The following ROBO2 variants were observed in gnomAD, a reference collection of about 807,000 sequenced individuals.
The protein encoded by ROBO2 is roundabout homolog 2.
A neutral mutation model predicts 160.8 loss-of-function variants in ROBO2; 53 were observed. That is an observed-to-expected ratio of 0.33 (90% CI 0.26 to 0.41). The LOEUF is 0.41. Among genes scored for constraint, ROBO2 ranks in the 10% least tolerant of loss-of-function variants. ROBO2 has a pLI of 1.00. For synonymous variants in ROBO2, 664 were observed against 611.7 expected (o/e 1.09, Z -1.26); for missense variants, 1,577 against 1,722.4 (o/e 0.92, Z 1.49).
intron 2 of ROBO2, among the ~76,000 whole-genome samples, chr3:76,477,112 A>C (rs1185025877): frequency 6.6e-6 from 1 of 152,122 alleles, no homozygotes; most frequent in Non-Finnish European, 1.5e-5. Context: ...AAAATAAACC[A>C]CAGGAATCAT....
intron 2 of ROBO2, among the ~76,000 whole-genome samples, chr3:77,009,693 C>T (rs1407644951): frequency 6.6e-6 from 1 of 152,050 alleles, no homozygotes; most frequent in African/African-American, 2.4e-5. Context: ...CACAGTGGCT[C>T]ATGCCCATAA....
chr3:77,173,104 T>G (rs2079796226), intron 2 of ROBO2, among the ~76,000 whole-genome samples: 1 of 152,160 alleles, frequency 6.6e-6, no homozygotes, highest in Non-Finnish European at 1.5e-5. Context: ...AGCCATAATT[T>G]AGAAAGCATT....
At chr3:76,561,690 C>T (rs188297335) in intron 2 of ROBO2, among the ~76,000 whole-genome samples, 3 of 152,250 alleles carry the variant, frequency 2.0e-5, no homozygotes, top group East Asian at 3.9e-4. Context: ...TGGGATAAGA[C>T]AAACATTCAG....
chr3:77,036,853 G>A (rs2063666176), upstream of ROBO2, among the ~76,000 whole-genome samples: 1 of 151,592 alleles, frequency 6.6e-6, no homozygotes, highest in East Asian at 1.9e-4. Context: ...TTGGCTTAAG[G>A]AAAACCTTAA....
intron 2 of ROBO2, among the ~76,000 whole-genome samples, chr3:76,867,141 C>A (rs2071468257): frequency 1.3e-5 from 2 of 152,102 alleles, no homozygotes; most frequent in Admixed American, 1.3e-4. Context: ...TTAACACTAG[C>A]CTAGATTACT....
At chr3:76,319,175 A>C (rs946013663) in intron 2 of ROBO2, among the ~76,000 whole-genome samples, 1 of 152,142 alleles carries the variant, frequency 6.6e-6, no homozygotes, top group African/African-American at 2.4e-5. Flanking sequence ...CCTTTGTCCA[A>C]AAGTAGAATT....
chr3:76,117,437 G>GT (rs2070521046), intron 2 of ROBO2, among the ~76,000 whole-genome samples: 2 of 152,056 alleles, frequency 1.3e-5, no homozygotes, highest in South Asian at 4.1e-4. Context: ...ATTGTTTATA[G>GT]TTACTGTTTC....
At chr3:75,944,776 T>G (rs1948206768) in intron 2 of ROBO2, among the ~76,000 whole-genome samples, 2 of 152,214 alleles carry the variant, frequency 1.3e-5, no homozygotes, top group Non-Finnish European at 2.9e-5. Context: ...TCATAATAAT[T>G]GGGATGCAAT....
In ROBO2 at chr3:76,780,941, C is replaced by T. The variant is rs147954047; in HGVS notation, c.110-317073C>T. On this transcript the variant is annotated intron_variant, in intron 2 of 26. Transcript: ENST00000487694. Reference sequence around the variant, plus strand: ...GAATTATAGGATGGTTTTTATATTTCTGAGAAAAAAATGCTATTGTAATTT... The same window carrying T: ...GAATTATAGGATGGTTTTTATATTTTTGAGAAAAAAATGCTATTGTAATTT... Among the ~76,000 whole-genome samples, 501 of 150,036 alleles carry T rather than the reference C, an allele frequency of 3.3e-3. 3 individuals are homozygous for T. The highest frequency in any genetic ancestry group is 0.011 in the African/African-American group (441 of 41,134).
At chr3:76,910,780 A>G (rs1291060426) in intron 2 of ROBO2, among the ~76,000 whole-genome samples, 1 of 151,854 alleles carries the variant, frequency 6.6e-6, no homozygotes, top group Non-Finnish European at 1.5e-5. Flanking sequence ...GTTACTATGA[A>G]AATAATGTTT....
chr3:76,220,079 A>G (rs1703857216), intron 2 of ROBO2, among the ~76,000 whole-genome samples: 1 of 151,704 alleles, frequency 6.6e-6, no homozygotes, highest in Admixed American at 6.6e-5. Flanking sequence ...TGGCAAGGAC[A>G]AAAAACCAAA....
intron 5 of ROBO2, among the ~76,000 whole-genome samples, chr3:77,497,666 A>G (rs1435878425): frequency 6.6e-6 from 1 of 152,140 alleles, no homozygotes; most frequent in Non-Finnish European, 1.5e-5. Context: ...TTTGCTTATT[A>G]GTACTGTCTT....
intron 5 of ROBO2, among the ~76,000 whole-genome samples, chr3:77,499,729 C>A (rs144144907): frequency 0.017 from 2,590 of 150,600 alleles, 71 homozygotes; most frequent in African/African-American, 0.058. Flanking sequence ...CCTCACTGCA[C>A]CCTCCACCTC....
At chr3:77,439,920 T>C (rs1235509617) in intron 2 of ROBO2, among the ~76,000 whole-genome samples, 1 of 152,190 alleles carries the variant, frequency 6.6e-6, no homozygotes, top group Admixed American at 6.5e-5. Context: ...TAAACACATT[T>C]TGGCCTGTTA....
intron 2 of ROBO2, among the ~76,000 whole-genome samples, chr3:76,450,866 A>G (rs894269776): frequency 1.3e-5 from 2 of 152,186 alleles, no homozygotes; most frequent in Admixed American, 1.3e-4. Context: ...TATTAGAGAT[A>G]ATGTTTTAAA....
rs763806139 is a variant in ROBO2 at position 76,632,666 on chromosome 3, A to G, written c.110-465348A>G. 6.2e-4 allele frequency among the ~76,000 whole-genome samples: 94 copies of G among 152,216 alleles called. 3 individuals carry two copies. The highest frequency in any genetic ancestry group is 1.6e-4 in the Non-Finnish European group (11 of 68,038). On this transcript the variant is annotated intron_variant, in intron 2 of 26. Coordinates refer to the ROBO2 transcript ENST00000487694. ...GATCTAGATCATTTAAATCATTTTAATTTACATAGTATACTAACTAGAAAT... is the reference window on the plus strand; with the variant it reads ...GATCTAGATCATTTAAATCATTTTAGTTTACATAGTATACTAACTAGAAAT...
chr3:75,970,193 GTGCAACAGAAAA>G (rs1261071366), intron 2 of ROBO2, among the ~76,000 whole-genome samples: 1 of 151,352 alleles, frequency 6.6e-6, no homozygotes, highest in Admixed American at 6.6e-5. Context: ...TCAAGTCTAA[GTGCAACAGAAAA>G]TGCACCTTTC....
chr3:76,974,536 C>G (rs886269566), intron 2 of ROBO2, among the ~76,000 whole-genome samples: 6 of 152,144 alleles, frequency 3.9e-5, no homozygotes, highest in Non-Finnish European at 7.4e-5. Context: ...AGGACTGCAA[C>G]CCAGGTGTTC....
chr3:77,223,574 C>A (rs1196908693), intron 2 of ROBO2, among the ~76,000 whole-genome samples: 5 of 152,010 alleles, frequency 3.3e-5, no homozygotes, highest in Non-Finnish European at 5.9e-5. Context: ...TGGTACATAC[C>A]TTGCTTTCTC....
Sources: allele counts gnomAD v4.1 joint callset (sites outside exome capture counted in the v4.1 genomes callset), GRCh38; gene constraint gnomAD v4.1.1; transcripts MANE v1.5; gene names NCBI Gene and HGNC (gene_info 2026-07-23, HGNC 2026-07-21).